The following ITPR2 variants were observed in gnomAD, a reference collection of about 807,000 sequenced individuals.
ITPR2 encodes the protein inositol 1,4,5-trisphosphate receptor type 2, also known as inositol 1,4,5-trisphosphate-gated calcium channel ITPR2.
Under a neutral mutation model 317.1 loss-of-function variants are expected in ITPR2, and 207 were observed. That is an observed-to-expected ratio of 0.65 (90% confidence interval 0.58 to 0.73). ITPR2 has a LOEUF of 0.73. ITPR2 is among the 30% of genes least tolerant of loss of function. The probability of loss-of-function intolerance (pLI) is 0.00; values close to 1 mark genes in which losing one functional copy is unlikely to be tolerated. For missense variants in ITPR2, 2,613 were observed against 3,284.0 expected (o/e 0.80, Z 4.99); for synonymous variants, 1,156 against 1,149.1 (o/e 1.01, Z -0.12).
chr12:26,377,807 A>T (rs993691426), intron 55 of ITPR2, among the ~76,000 whole-genome samples: 3 of 152,218 alleles, frequency 2.0e-5, no homozygotes, highest in African/African-American at 7.2e-5. Flanking sequence ...ATAACACGCA[A>T]AGTTGCTAAC....
At chr12:26,559,264 G>C (rs187620785) in intron 35 of ITPR2, among the ~76,000 whole-genome samples, 3 of 152,168 alleles carry the variant, frequency 2.0e-5, no homozygotes, top group African/African-American at 7.2e-5. Flanking sequence ...ATCACACATA[G>C]AATACAATTA....
In ITPR2 at chr12:26,832,795, C is replaced by G; in HGVS notation, c.-14G>C. ...TTTCTCAGTCATGCTGCTTCATGTT[C>G]CACAGTGGACGTCCCTCTTCTTCCC... is the stretch of plus-strand genomic sequence containing the variant. On this transcript the variant is annotated 5_prime_UTR_variant, in exon 1 of 57. Transcript: ENST00000381340. The G allele has an allele frequency of 1.3e-6, 2 of 1,580,946 alleles. No individual in the cohort carries two copies. Among genetic ancestry groups the G allele is most frequent in the Non-Finnish European group, 1.7e-6 (2 of 1,156,464 alleles).
chr12:26,812,476 G>A (rs1950772823), intron 1 of ITPR2, among the ~76,000 whole-genome samples: 1 of 152,100 alleles, frequency 6.6e-6, no homozygotes. Flanking sequence ...CTACTCGGGA[G>A]GCTGAGGCAG....
intron 2 of ITPR2, among the ~76,000 whole-genome samples, chr12:26,762,623 A>G (rs1043499409): frequency 1.3e-5 from 2 of 152,236 alleles, no homozygotes; most frequent in Non-Finnish European, 2.9e-5. Flanking sequence ...GAAAACATGT[A>G]GAAGTATAAA....
At position 26,600,048 on chromosome 12, in the gene ITPR2, C is replaced by T. The variant is rs775575901; in HGVS notation, c.3740G>A (p.Arg1247Gln). 7 of 1,606,464 alleles carry T rather than the reference C, an allele frequency of 4.4e-6. No homozygotes were observed. The highest frequency in any genetic ancestry group is 6.0e-6 in the Non-Finnish European group (7 of 1,173,360). Residue 1247 changes from arginine (R) to glutamine (Q), a missense_variant, in exon 29 of 57, where the codon CGA (arginine) becomes CAA (glutamine). By Grantham distance (43) the Arg-to-Gln change is conservative. Coordinates refer to ENST00000381340, the MANE Select transcript of ITPR2 (RefSeq NM_002223.4). ...AAGAACTTGATTCTGTGGATTTCCT[C>T]GACAGAAATTCTGCAGAAATGTATG... Reference protein sequence around the residue: ...LAHTFLQNFCRGNPQNQVLLH... With the variant: ...LAHTFLQNFCQGNPQNQVLLH...
At chr12:26,648,439 G>A (rs1947165046) in intron 21 of ITPR2, among the ~76,000 whole-genome samples, 1 of 151,344 alleles carries the variant, frequency 6.6e-6, no homozygotes, top group African/African-American at 2.4e-5. Context: ...GACATGATAT[G>A]AGCATACAGA....
intron 55 of ITPR2, among the ~76,000 whole-genome samples, chr12:26,379,909 T>C (rs1939455386): frequency 6.6e-6 from 1 of 152,218 alleles, no homozygotes; most frequent in South Asian, 2.1e-4. Context: ...TAAACACTGA[T>C]TAGAAAAGCT....
chr12:26,438,000 A>G (rs1251105660), intron 47 of ITPR2, among the ~76,000 whole-genome samples: 1 of 152,076 alleles, frequency 6.6e-6, no homozygotes, highest in Non-Finnish European at 1.5e-5. Flanking sequence ...ACAGGGTTTC[A>G]CTGCGTTAGC....
chr12:26,565,853 AGAGGAGAGGG>A (rs1944947956), intron 34 of ITPR2, among the ~76,000 whole-genome samples: 2 of 95,730 alleles, frequency 2.1e-5, no homozygotes, highest in African/African-American at 8.4e-5. Context: ...AGAGGAGAGG[AGAGGAGAGGG>A]GAGGGGAGGA....
rs80352425 is a variant in ITPR2 at position 26,802,655 on chromosome 12, A to G, written c.93-12428T>C. The stretch of plus-strand genomic sequence containing the variant: ...GATATACAGATAGATATAGATAGAT[A>G]TCTATATATACATATCAGAAAAATC... On this transcript the variant is annotated intron_variant, in intron 1 of 56. Coordinates refer to ENST00000381340, the MANE Select transcript of ITPR2 (RefSeq NM_002223.4). 1.8e-3 allele frequency among the ~76,000 whole-genome samples: 258 copies of G among 141,118 alleles called. 8 individuals are homozygous for G. The East Asian group carries it at 0.049, about 27-fold the overall frequency. The allele number at this position is 141,118 out of a possible 152,430, so 92.6% of individuals were successfully genotyped here. A position where few individuals can be genotyped will look rare whatever the true frequency, so the allele number is the denominator to read the frequency against.
At chr12:26,490,232 A>C (rs1942767432) in intron 39 of ITPR2, among the ~76,000 whole-genome samples, 2 of 152,234 alleles carry the variant, frequency 1.3e-5, no homozygotes, top group Non-Finnish European at 1.5e-5. Flanking sequence ...ACAACCAAAC[A>C]AAGTAGCACA....
At chr12:26,811,060 A>AC (rs1592151848) in intron 1 of ITPR2, among the ~76,000 whole-genome samples, 1 of 137,462 alleles carries the variant, frequency 7.3e-6, no homozygotes, top group Non-Finnish European at 1.6e-5. Flanking sequence ...AAAAAAAAAA[A>AC]CAGAAAGATA....
At chr12:26,766,210 T>C (rs1446501911) in intron 2 of ITPR2, among the ~76,000 whole-genome samples, 1 of 152,176 alleles carries the variant, frequency 6.6e-6, no homozygotes. Context: ...AGATTGTTTT[T>C]CAAGGTCCTA....
intron 32 of ITPR2, among the ~76,000 whole-genome samples, chr12:26,594,312 G>A (rs182305547): frequency 9.9e-5 from 15 of 152,068 alleles, no homozygotes; most frequent in Admixed American, 2.0e-4. Context: ...AAAAGAGTCC[G>A]TGGTCTGGAA....
intron 2 of ITPR2, among the ~76,000 whole-genome samples, chr12:26,765,492 T>C (rs1949704518): frequency 6.6e-6 from 1 of 152,262 alleles, no homozygotes; most frequent in South Asian, 2.1e-4. Flanking sequence ...GCCCTTACCT[T>C]CTCTTAAAGA....
At chr12:26,701,198 C>T (rs1022262864) in intron 9 of ITPR2, among the ~76,000 whole-genome samples, 1 of 152,034 alleles carries the variant, frequency 6.6e-6, no homozygotes, top group African/African-American at 2.4e-5. Context: ...ATGCTTGTAC[C>T]GCAATCAATT....
chr12:26,453,545 G>A (rs1941794943), intron 45 of ITPR2, among the ~76,000 whole-genome samples: 1 of 152,182 alleles, frequency 6.6e-6, no homozygotes, highest in African/African-American at 2.4e-5. Flanking sequence ...TGTACACTAG[G>A]AGTTTTTGCT....
At chr12:26,587,771 T>TCCACGTCCTCCTCCACC (rs1945571201) in intron 32 of ITPR2, among the ~76,000 whole-genome samples, 1 of 151,338 alleles carries the variant, frequency 6.6e-6, no homozygotes. Context: ...TTCCACCTCC[T>TCCACGTCCTCCTCCACC]TCAATCATGA....
intron 2 of ITPR2, among the ~76,000 whole-genome samples, chr12:26,743,365 T>C (rs1278893680): frequency 1.6e-4 from 25 of 152,236 alleles, no homozygotes; most frequent in Middle Eastern, 3.4e-3. Context: ...TGTTTATATA[T>C]ACATACACAC....
Sources: gnomAD v4.1 joint callset for allele counts (sites outside exome capture counted in the v4.1 genomes callset) on GRCh38, gnomAD v4.1.1 for gene constraint, MANE v1.5 for transcripts, NCBI Gene and HGNC (gene_info 2026-07-23, HGNC 2026-07-21) for gene names.